Variants in TGM7 observed in about 807,000 individuals in gnomAD.
TGM7 encodes the protein protein-glutamine gamma-glutamyltransferase Z.
TGM7 carries 74 observed loss-of-function variants against 79.5 expected under a neutral mutation model. The ratio of observed to expected loss-of-function variants is 0.93; its 90% confidence interval spans 0.77 to 1.13. TGM7 has a LOEUF of 1.13. Ranked by LOEUF, TGM7 falls within the 50% of genes most tolerant of loss-of-function variation. The pLI is 0.00. For missense variants in TGM7, 912 were observed against 905.9 expected (o/e 1.01, Z -0.09); for synonymous variants, 354 against 362.5 (o/e 0.98, Z 0.27).
intron 4 of TGM7, among the ~76,000 whole-genome samples, chr15:43,291,127 TC>T (rs1355488511): frequency 6.6e-6 from 1 of 152,230 alleles, no homozygotes; most frequent in Non-Finnish European, 1.5e-5. Flanking sequence ...AGAGAGGGCG[TC>T]CCTGTCTTGT....
In TGM7 at chr15:43,282,586, G is replaced by A. The variant is rs368966307; in HGVS notation, c.1039C>T (p.Arg347Trp). The change falls in exon 8 of 13, where the codon CGG becomes TGG. Residue 347 changes from arginine (R) to tryptophan (W), a missense_variant. Physicochemically the swap from Arg to Trp is moderately radical, Grantham distance 101. Coordinates refer to ENST00000452443, the MANE Select transcript of TGM7 (RefSeq NM_052955.3). Reference protein sequence around the residue: ...FHVWNECWMIRKDLPPGYNGW... With the variant: ...FHVWNECWMIWKDLPPGYNGW... ...TTGTATCCTGGTGGGAGATCTTTCC[G>A]GATCATCCAGCACTCATTCCAGACG... 97 of 1,601,478 alleles carry A rather than the reference G, an allele frequency of 6.1e-5. No homozygotes were observed. Among genetic ancestry groups the A allele is most frequent in the South Asian group, 4.7e-4 (42 of 88,774 alleles).
chr15:43,279,079 A>G (rs1596458819), intron 11 of TGM7, 38 bp downstream of exon 11: 2 of 1,587,400 alleles, frequency 1.3e-6, no homozygotes, highest in Admixed American at 3.5e-5. Flanking sequence ...TGGGTGAGTC[A>G]GAGAGCCTCA....
intron 9 of TGM7, 71 bp from the exon 10 acceptor site, chr15:43,280,022 A>C: frequency 6.9e-7 from 1 of 1,451,516 alleles, no homozygotes; most frequent in Non-Finnish European, 9.5e-7. Context: ...TCCTGGGGCA[A>C]CAAGGCACAG....
Position 43,280,453 on chromosome 15 carries a change from G to A in TGM7, c.1352-502C>T, listed in dbSNP as rs1012147540. ...AGACTGGCCAACATAGTGAAACCTC[G>A]TCTCTACTAAAATACAAAAATTAGC... On this transcript the variant is annotated intron_variant, in intron 9 of 12. Transcript: ENST00000452443. 3.3e-5 allele frequency among the ~76,000 whole-genome samples: 5 copies of A among 152,220 alleles called. No individual in the cohort carries two copies. In the East Asian group the frequency reaches 7.7e-4, roughly 24 times the overall value.
intron 4 of TGM7, among the ~76,000 whole-genome samples, chr15:43,288,459 G>A (rs1343238701): frequency 2.6e-5 from 4 of 151,956 alleles, no homozygotes; most frequent in African/African-American, 9.7e-5. Flanking sequence ...CCCTCTCTAC[G>A]TTGACTGGAT....
At chr15:43,298,074 C>T (rs916873954) in intron 1 of TGM7, among the ~76,000 whole-genome samples, 8 of 152,196 alleles carry the variant, frequency 5.3e-5, no homozygotes, top group African/African-American at 1.2e-4. Context: ...TCTCACCAAC[C>T]GCCTGAAATG....
At chr15:43,292,587 A>T in intron 3 of TGM7, 122 bp downstream of exon 3, 2 of 1,226,672 alleles carry the variant, frequency 1.6e-6, no homozygotes, top group Non-Finnish European at 1.1e-6. Context: ...GATTTTTGTG[A>T]GAGCACACGC....
chr15:43,281,899 C>A lies in TGM7; in HGVS notation c.1296G>T (p.Lys432Asn). The A allele has an allele frequency of 6.2e-7, 1 of 1,614,218 alleles. No homozygotes were observed. The highest frequency in any genetic ancestry group is 8.5e-7 in the Non-Finnish European group (1 of 1,180,032). ...TSSIGKEIST[K>N]MVGSDQRQSI... ...TCTGGCGCTGGTCTGACCCCACCAT[C>A]TTAGTGCTGATCTCCTTCCCGATGG... is the stretch of plus-strand genomic sequence containing the variant. The change falls in exon 9 of 13, where the codon AAG (lysine) becomes AAT (asparagine). Residue 432 changes from lysine (K) to asparagine (N), a missense_variant. Lys to Asn is a moderately conservative substitution (Grantham distance 94). Transcript: ENST00000452443.
intron 9 of TGM7, 63 bp from the exon 10 acceptor site, chr15:43,280,014 C>G: frequency 6.6e-7 from 1 of 1,514,540 alleles, no homozygotes; most frequent in Non-Finnish European, 9.0e-7. Context: ...AGTGACTTTC[C>G]TGGGGCAACA....
chr15:43,302,211 C>T (rs770281566), intron 1 of TGM7, 30 bp downstream of exon 1: 35 of 1,614,008 alleles, frequency 2.2e-5, no homozygotes, highest in South Asian at 1.4e-4. Context: ...TTAGCACCTC[C>T]GAAAAGGTAA....
chr15:43,277,598 C>T (rs1566841881), intron 11 of TGM7, among the ~76,000 whole-genome samples: 2 of 152,196 alleles, frequency 1.3e-5, no homozygotes, highest in Non-Finnish European at 2.9e-5. Flanking sequence ...TCGAGTTTTT[C>T]CAGGTGTGCT....
chr15:43,296,051 A>G (rs1334531166), intron 1 of TGM7, among the ~76,000 whole-genome samples: 1 of 152,254 alleles, frequency 6.6e-6, no homozygotes, highest in Non-Finnish European at 1.5e-5. Context: ...AATAGAAAAC[A>G]TACAATGCAT....
chr15:43,294,710 C>A (rs532672), intron 1 of TGM7, among the ~76,000 whole-genome samples: 66,369 of 151,760 alleles, frequency 0.44, 17,492 homozygotes, highest in African/African-American at 0.75. Context: ...CTCAGTGGTT[C>A]TCAACGGGAA....
rs748611107 is a variant in TGM7, at chr15:43,284,872, C to G, written c.946G>C (p.Asp316His). Residue 316 changes from aspartate to histidine, a missense_variant, in exon 7 of 13, where the codon GAT becomes CAT. Transcript: ENST00000452443. ...TCGGCATTTCGGTCATAGTACGTAT[C>G]GATGGTCAAGTTCCTATCCACGTTG... ...AHNVDRNLTI[D>H]TYYDRNAEML... 1 of 1,614,134 alleles carries G rather than the reference C, an allele frequency of 6.2e-7. No homozygotes were observed. Among genetic ancestry groups the G allele is most frequent in the Non-Finnish European group, 8.5e-7 (1 of 1,180,030 alleles).
chr15:43,287,274 G>A lies in TGM7; in HGVS notation c.865+6C>T, dbSNP rs766033043. On this transcript the variant is annotated splice_donor_region_variant and intron_variant, in intron 6 of 12. Coordinates refer to ENST00000452443, the MANE Select transcript of TGM7 (RefSeq NM_052955.3). ...CACACCCCTAAGTGAGTGATCTTTC[G>A]CTCACCGGTGCACATAACAGAGGCG... 8.7e-6 allele frequency: 14 copies of A among 1,611,374 alleles called. No homozygotes were observed. Among genetic ancestry groups the A allele is most frequent in the African/African-American group, 2.7e-5 (2 of 74,800 alleles).
rs763226692 is a variant in TGM7, at chr15:43,290,855, G to GGC, written c.558+1123_558+1124insGC. 2.0e-5 allele frequency among the ~76,000 whole-genome samples: 3 copies of GGC among 151,954 alleles called. No homozygotes were observed. In the South Asian group the frequency reaches 6.2e-4, roughly 32 times the overall value. On this transcript the variant is annotated intron_variant, in intron 4 of 12. Coordinates refer to ENST00000452443, the MANE Select transcript of TGM7 (RefSeq NM_052955.3). ...GTGAATGGGAGTTCACTCATGATTT[G>GGC]ACTCTGTTTGTCTGTTATTGGTGTA...
At position 43,277,090 on chromosome 15, in the gene TGM7, A is replaced by G. The variant is rs768554135; in HGVS notation, c.1840-95T>C. 390 of 1,506,176 alleles carry G rather than the reference A, an allele frequency of 2.6e-4. 2 individuals carry two copies. Among genetic ancestry groups the G allele is most frequent in the Non-Finnish European group, 4.9e-5 (55 of 1,122,246 alleles). The allele number at this position is 1,506,176 out of a possible 1,614,324, so 93.3% of individuals were successfully genotyped here. Reference sequence around the variant, plus strand: ...CACCCCCAGGTCCCTGGCGACCACCAGGAACTGCGGCTTAGAGCTAATGTG... The same window carrying G: ...CACCCCCAGGTCCCTGGCGACCACCGGGAACTGCGGCTTAGAGCTAATGTG... On this transcript the variant is annotated intron_variant, in intron 11 of 12. Coordinates refer to ENST00000452443, the MANE Select transcript of TGM7 (RefSeq NM_052955.3).
chr15:43,296,025 TA>T (rs2042990131), intron 1 of TGM7, among the ~76,000 whole-genome samples: 2 of 152,250 alleles, frequency 1.3e-5, no homozygotes, highest in Admixed American at 6.5e-5. Context: ...TAGCCTGTAA[TA>T]AGAAAATGGA....
At chr15:43,283,126 T>G (rs938387466) in intron 7 of TGM7, among the ~76,000 whole-genome samples, 1 of 152,212 alleles carries the variant, frequency 6.6e-6, no homozygotes, top group African/African-American at 2.4e-5. Context: ...TTGCCCCATA[T>G]GCTTTCTTTC....
Sources: allele counts gnomAD v4.1 joint callset (sites outside exome capture counted in the v4.1 genomes callset), GRCh38; gene constraint gnomAD v4.1.1; transcripts MANE v1.5; gene names NCBI Gene and HGNC (gene_info 2026-07-23, HGNC 2026-07-21).